DENND1A: variants seen among roughly 807,000 people sequenced by gnomAD.
DENND1A encodes DENN domain-containing protein 1A.
Under a neutral mutation model 113.7 loss-of-function variants are expected in DENND1A, and 51 were observed. The ratio of observed to expected loss-of-function variants is 0.45; its 90% CI spans 0.36 to 0.57. DENND1A has a LOEUF of 0.57. Ranked by LOEUF, DENND1A falls within the 20% of genes least tolerant of loss-of-function variation. The pLI is 0.00. For missense variants in DENND1A, 1,258 were observed against 1,395.9 expected, an observed-to-expected ratio of 0.90 and a Z score of 1.57; for synonymous variants, 565 against 570.8, an observed-to-expected ratio of 0.99 and a Z score of 0.14.
chr9:123,873,012 G>A (rs2133451009), intron 2 of DENND1A, among the ~76,000 whole-genome samples: 1 of 152,304 alleles, frequency 6.6e-6, no homozygotes, highest in South Asian at 2.1e-4. Flanking sequence ...AAGTTTTTCA[G>A]ATACTTTGGC....
chr9:123,384,330 C>T (rs536668088), intron 22 of DENND1A, among the ~76,000 whole-genome samples: 1 of 152,364 alleles, frequency 6.6e-6, no homozygotes, highest in African/African-American at 2.4e-5. Context: ...GGCCTAGGCA[C>T]AGCCACAGTC....
intron 12 of DENND1A, among the ~76,000 whole-genome samples, chr9:123,570,232 T>C (rs1182541039): frequency 1.3e-5 from 2 of 152,144 alleles, no homozygotes; most frequent in Non-Finnish European, 2.9e-5. Context: ...ATAATCTCCA[T>C]ACCTGAAGTG....
intron 5 of DENND1A, among the ~76,000 whole-genome samples, chr9:123,722,480 GA>G (rs2067410456): frequency 6.6e-6 from 1 of 152,180 alleles, no homozygotes; most frequent in African/African-American, 2.4e-5. Flanking sequence ...AGGCATGTCA[GA>G]GACCTTTGCG....
At chr9:123,899,501 T>A (rs182175458) in intron 1 of DENND1A, among the ~76,000 whole-genome samples, 3 of 152,312 alleles carry the variant, frequency 2.0e-5, no homozygotes, top group African/African-American at 7.2e-5. Context: ...AATAAGGTAA[T>A]ATAATTTTAA....
At chr9:123,666,890 G>A (rs944764375) in intron 8 of DENND1A, 136 bp downstream of exon 8, 3 of 800,510 alleles carry the variant, frequency 3.7e-6, no homozygotes, top group Admixed American at 3.8e-5. Flanking sequence ...TTATACTTTT[G>A]TTTTTATAAT....
intron 2 of DENND1A, among the ~76,000 whole-genome samples, chr9:123,803,654 C>T (rs913550855): frequency 6.6e-6 from 1 of 152,202 alleles, no homozygotes. Context: ...CTCCACCAAT[C>T]CTCCTGTTTT....
At chr9:123,638,293 A>G (rs1018038403) in intron 9 of DENND1A, among the ~76,000 whole-genome samples, 2 of 152,128 alleles carry the variant, frequency 1.3e-5, no homozygotes, top group Admixed American at 1.3e-4. Context: ...GTGAGGAAAG[A>G]GCTTTCTTTC....
chr9:123,717,715 G>A (rs1205991238), intron 5 of DENND1A, among the ~76,000 whole-genome samples: 2 of 152,206 alleles, frequency 1.3e-5, no homozygotes, highest in Admixed American at 6.5e-5. Flanking sequence ...AGTGGGCAGA[G>A]CATCATAGGA....
intron 13 of DENND1A, among the ~76,000 whole-genome samples, chr9:123,535,279 A>C (rs570754648): frequency 1.3e-5 from 2 of 152,240 alleles, no homozygotes; most frequent in African/African-American, 4.8e-5. Flanking sequence ...CGGTACTTAG[A>C]TTAAAATCCA....
At chr9:123,876,550 T>G (rs1847496089) in intron 2 of DENND1A, among the ~76,000 whole-genome samples, 1 of 152,182 alleles carries the variant, frequency 6.6e-6, no homozygotes, top group Non-Finnish European at 1.5e-5. Flanking sequence ...ATTCTGTGTG[T>G]GTATACTCAC....
intron 5 of DENND1A, among the ~76,000 whole-genome samples, chr9:123,678,183 A>C (rs1369943680): frequency 1.3e-5 from 2 of 152,206 alleles, no homozygotes; most frequent in African/African-American, 4.8e-5. Flanking sequence ...AACAGACCAC[A>C]TGCAAACAGA....
At chr9:123,676,612 T>C (rs1180560839) in intron 6 of DENND1A, 108 bp downstream of exon 6, 3 of 982,428 alleles carry the variant, frequency 3.1e-6, no homozygotes, top group Admixed American at 2.6e-5. Context: ...AAAATTCCTA[T>C]AATGGGCATG....
At chr9:123,710,935 T>C (rs1457882315) in intron 5 of DENND1A, among the ~76,000 whole-genome samples, 1 of 151,988 alleles carries the variant, frequency 6.6e-6, no homozygotes, top group African/African-American at 2.4e-5. Context: ...GGCCTCTCAA[T>C]GTGCTGGGAT....
At chr9:123,604,260 C>T (rs4838071) in intron 11 of DENND1A, among the ~76,000 whole-genome samples, 24 of 151,566 alleles carry the variant, frequency 1.6e-4, no homozygotes, top group African/African-American at 5.8e-4. Flanking sequence ...TCTAATTCTT[C>T]TATTTATCTA....
intron 2 of DENND1A, among the ~76,000 whole-genome samples, chr9:123,868,643 A>G (rs1426421859): frequency 6.6e-6 from 1 of 152,240 alleles, no homozygotes; most frequent in Non-Finnish European, 1.5e-5. Context: ...TCCACCATAG[A>G]AGGCCTGAGG....
chr9:123,769,662 G>A (rs1048064596), intron 3 of DENND1A, 99 bp from the exon 4 acceptor site: 4 of 965,398 alleles, frequency 4.1e-6, no homozygotes, highest in Non-Finnish European at 6.0e-6. Flanking sequence ...TAAAGAAAGA[G>A]GAGACAGATG....
intron 10 of DENND1A, among the ~76,000 whole-genome samples, chr9:123,619,321 G>A (rs2060822080): frequency 6.6e-6 from 1 of 152,184 alleles, no homozygotes; most frequent in South Asian, 2.1e-4. Context: ...AATGTGTCTG[G>A]AATTAGTGGT....
chr9:123,578,871 T>C (rs2058750912), intron 12 of DENND1A, among the ~76,000 whole-genome samples: 1 of 152,146 alleles, frequency 6.6e-6, no homozygotes, highest in Non-Finnish European at 1.5e-5. Context: ...TGTGTTTGTG[T>C]GTGTGTGTGA....
intron 1 of DENND1A, among the ~76,000 whole-genome samples, chr9:123,882,885 T>C (rs1848521188): frequency 6.6e-6 from 1 of 152,176 alleles, no homozygotes; most frequent in African/African-American, 2.4e-5. Flanking sequence ...TTTACCACAA[T>C]TTAAACAAAC....
Sources: allele counts gnomAD v4.1 joint callset (sites outside exome capture counted in the v4.1 genomes callset), GRCh38; gene constraint gnomAD v4.1.1; transcripts MANE v1.5; gene names NCBI Gene and HGNC (gene_info 2026-07-23, HGNC 2026-07-21).